Variants in WWOX observed in about 807,000 individuals in gnomAD.
The protein encoded by WWOX is WW domain-containing oxidoreductase.
WWOX carries 69 observed loss-of-function variants against 46.2 expected under a neutral mutation model. The observed-to-expected ratio is 1.49, with a 90% CI of 1.23 to 1.82. The LOEUF (loss-of-function observed/expected upper bound fraction) is 1.82, where lower values mean the gene tolerates loss of function less well. Among genes scored for constraint, WWOX ranks in the 40% most tolerant of loss-of-function variants. The pLI, the probability that WWOX is intolerant of heterozygous loss-of-function variation, is 0.00. For missense variants in WWOX, 919 were observed against 542.6 expected, an observed-to-expected ratio of 1.69 and a Z score of -6.89; for synonymous variants, 359 against 202.6, an observed-to-expected ratio of 1.77 and a Z score of -6.56.
chr16:78,617,878 C>G (rs965587342), intron 8 of WWOX, among the ~76,000 whole-genome samples: 8 of 152,188 alleles, frequency 5.3e-5, no homozygotes, highest in African/African-American at 2.4e-5. Flanking sequence ...AAATATGAAT[C>G]TATCTTTGCC....
chr16:78,644,706 G>C (rs1597388481), intron 8 of WWOX, among the ~76,000 whole-genome samples: 4 of 152,236 alleles, frequency 2.6e-5, no homozygotes, highest in Admixed American at 2.6e-4. Context: ...CAAGTGATCT[G>C]CCCGCCTTTG....
chr16:78,226,500 C>CCCTCCCTT (rs779002689), intron 5 of WWOX, among the ~76,000 whole-genome samples: 2 of 123,536 alleles, frequency 1.6e-5, no homozygotes, highest in African/African-American at 6.5e-5. Context: ...CTCCCTCCCT[C>CCCTCCCTT]CCTCCCTTCC....
intron 5 of WWOX, among the ~76,000 whole-genome samples, chr16:78,282,930 G>C (rs1261200219): frequency 6.6e-6 from 1 of 151,346 alleles, no homozygotes; most frequent in African/African-American, 2.4e-5. Flanking sequence ...GAAGGATGTG[G>C]CTTAGCTGAA....
chr16:78,337,676 C>T (rs368157286), intron 5 of WWOX, among the ~76,000 whole-genome samples: 3 of 152,144 alleles, frequency 2.0e-5, no homozygotes, highest in African/African-American at 7.2e-5. Flanking sequence ...GCCATGTCCT[C>T]ATTTCCCCAG....
chr16:78,612,182 ACT>A (rs2045916600), intron 8 of WWOX, among the ~76,000 whole-genome samples: 1 of 152,232 alleles, frequency 6.6e-6, no homozygotes, highest in African/African-American at 2.4e-5. Context: ...TTTGGAGAGC[ACT>A]GTTTCCCAAG....
At chr16:79,032,824 C>T (rs1384545272) in intron 8 of WWOX, among the ~76,000 whole-genome samples, 1 of 151,328 alleles carries the variant, frequency 6.6e-6, no homozygotes, top group Non-Finnish European at 1.5e-5. Flanking sequence ...TATAGGTAAA[C>T]TGGCGTGATG....
At chr16:78,872,456 G>C (rs1210161052) in intron 8 of WWOX, among the ~76,000 whole-genome samples, 4 of 152,188 alleles carry the variant, frequency 2.6e-5, no homozygotes, top group African/African-American at 9.6e-5. Flanking sequence ...TGAGAGATGA[G>C]ACAGTGAATT....
intron 8 of WWOX, among the ~76,000 whole-genome samples, chr16:78,951,064 A>C (rs920917182): frequency 6.6e-6 from 1 of 152,256 alleles, no homozygotes; most frequent in Non-Finnish European, 1.5e-5. Context: ...AGAAGAGGCC[A>C]GATGAGGACA....
At chr16:78,766,879 A>G (rs551826187) in intron 8 of WWOX, among the ~76,000 whole-genome samples, 1 of 152,348 alleles carries the variant, frequency 6.6e-6, no homozygotes, top group South Asian at 2.1e-4. Flanking sequence ...TGTAACCATC[A>G]GCATTACCTA....
rs566904680 is a variant in WWOX, at chr16:79,075,194, T to C, written c.1057-136414T>C. On this transcript the variant is annotated intron_variant, in intron 8 of 8. Coordinates refer to ENST00000566780, the MANE Select transcript of WWOX (RefSeq NM_016373.4). ...GGCATCCTAAGAGTCTGCATTTGTATGAAGCTTCCCAGGTGGTTCTGCTCA... is the reference window on the plus strand; with the variant it reads ...GGCATCCTAAGAGTCTGCATTTGTACGAAGCTTCCCAGGTGGTTCTGCTCA... 2.6e-5 allele frequency among the ~76,000 whole-genome samples: 4 copies of C among 152,258 alleles called. No homozygotes were observed. The South Asian group carries it at 6.2e-4, about 24-fold the overall frequency.
At position 78,108,504 on chromosome 16, in the gene WWOX, C is replaced by T; in HGVS notation, c.172+17C>T. On this transcript the variant is annotated intron_variant, in intron 2 of 8. Transcript: ENST00000566780. ...TGGCAGGAGGTTTGTATGTTGTTGT[C>T]TAAGGATCTTGGATGGAAGCATTAA... 1 of 1,613,118 alleles carries T rather than the reference C, an allele frequency of 6.2e-7. No individual in the cohort carries two copies. Among genetic ancestry groups the T allele is most frequent in the Middle Eastern group, 1.7e-4 (1 of 6,054 alleles).
intron 8 of WWOX, among the ~76,000 whole-genome samples, chr16:78,594,723 C>G (rs957688271): frequency 6.6e-6 from 1 of 152,036 alleles, no homozygotes; most frequent in African/African-American, 2.4e-5. Flanking sequence ...CTTTTTATAA[C>G]TCATAGGCTA....
chr16:78,364,603 A>C (rs1047291495), intron 5 of WWOX, among the ~76,000 whole-genome samples: 8 of 151,938 alleles, frequency 5.3e-5, no homozygotes, highest in Non-Finnish European at 1.0e-4. Flanking sequence ...GTATAATAAA[A>C]ATAAACTGTT....
intron 8 of WWOX, among the ~76,000 whole-genome samples, chr16:78,622,457 G>T (rs117551757): frequency 1.8e-3 from 277 of 151,870 alleles, no homozygotes; most frequent in Non-Finnish European, 3.0e-3. Context: ...CTTAAGAATC[G>T]CTTGAACCCA....
intron 8 of WWOX, among the ~76,000 whole-genome samples, chr16:78,934,842 A>G (rs1213215202): frequency 3.3e-5 from 5 of 152,156 alleles, no homozygotes; most frequent in African/African-American, 9.7e-5. Context: ...GCTCGCATCT[A>G]TAATCGCAGC....
At chr16:78,962,576 C>G (rs548631469) in intron 8 of WWOX, among the ~76,000 whole-genome samples, 3 of 152,078 alleles carry the variant, frequency 2.0e-5, no homozygotes, top group Admixed American at 6.5e-5. Flanking sequence ...TCAGAAAGTG[C>G]CCAGAAAGAA....
chr16:78,819,934 G>A (rs2051446657), intron 8 of WWOX, among the ~76,000 whole-genome samples: 1 of 152,072 alleles, frequency 6.6e-6, no homozygotes, highest in African/African-American at 2.4e-5. Context: ...ACTTATTTAT[G>A]TATTCACTCA....
intron 6 of WWOX, among the ~76,000 whole-genome samples, chr16:78,393,253 C>A (rs2082214100): frequency 6.6e-6 from 1 of 152,160 alleles, no homozygotes; most frequent in African/African-American, 2.4e-5. Context: ...TGCACATTTT[C>A]CTTCCTAGCA....
At chr16:78,745,522 CTTTTTTTTTTT>C (rs5818168) in intron 8 of WWOX, among the ~76,000 whole-genome samples, 1 of 92,752 alleles carries the variant, frequency 1.1e-5, no homozygotes, top group Non-Finnish European at 2.1e-5. Context: ...TGTGGAAATC[CTTTTTTTTTTT>C]TTTTTTTTTT....
Sources: allele counts gnomAD v4.1 joint callset (sites outside exome capture counted in the v4.1 genomes callset), GRCh38; gene constraint gnomAD v4.1.1; transcripts MANE v1.5; gene names NCBI Gene and HGNC (gene_info 2026-07-23, HGNC 2026-07-21).